The following BLTP1 variants were observed in gnomAD, a reference collection of about 807,000 sequenced individuals.
BLTP1 encodes fragile site-associated protein.
the BLTP1 span, chr4:122,192,083 T>A: frequency 1.5e-6 from 1 of 663,878 alleles, no homozygotes; most frequent in Non-Finnish European, 2.4e-6. Context: ...TAAGACAATA[T>A]GAGAACAACC....
the BLTP1 span, chr4:122,271,694 G>A: frequency 6.3e-7 from 1 of 1,579,026 alleles, no homozygotes; most frequent in Non-Finnish European, 8.6e-7. Flanking sequence ...AGGAATATTG[G>A]AAAAGTCTTC....
chr4:122,185,053 T>A, the BLTP1 span: 1 of 985,214 alleles, frequency 1.0e-6, no homozygotes, highest in Non-Finnish European at 1.2e-6. Flanking sequence ...GAAGACTAAA[T>A]ACTAGTGAAG....
At chr4:122,279,205 T>C in the BLTP1 span, among the ~76,000 whole-genome samples, 1 of 152,216 alleles carries the variant, frequency 6.6e-6, no homozygotes, top group South Asian at 2.1e-4. Flanking sequence ...TTGTGTAAGC[T>C]GAATCAATTG....
the BLTP1 span, among the ~76,000 whole-genome samples, chr4:122,259,716 C>T: frequency 1.5e-4 from 23 of 151,936 alleles, no homozygotes; most frequent in East Asian, 5.8e-4. Flanking sequence ...AAAAATTAGC[C>T]GGGTGTGGTG....
At chr4:122,347,388 A>C in the BLTP1 span, 1 of 1,318,466 alleles carries the variant, frequency 7.6e-7, no homozygotes, top group Non-Finnish European at 1.0e-6. Context: ...AAATTGCTGT[A>C]CAGCTGCTAA....
the BLTP1 span, chr4:122,235,174 A>G: frequency 2.4e-6 from 2 of 843,646 alleles, no homozygotes; most frequent in Non-Finnish European, 3.4e-6. Flanking sequence ...TGTTTTGCAC[A>G]TGACTTAACT....
At chr4:122,301,687 A>G in the BLTP1 span, among the ~76,000 whole-genome samples, 1 of 152,178 alleles carries the variant, frequency 6.6e-6, no homozygotes, top group African/African-American at 2.4e-5. Context: ...TCTGTATTGT[A>G]TGTTGTACAG....
the BLTP1 span, chr4:122,190,628 C>T: frequency 2.3e-6 from 1 of 432,494 alleles, no homozygotes; most frequent in Non-Finnish European, 3.1e-6. Context: ...CATAGATAAA[C>T]CTCAAAAATT....
the BLTP1 span, among the ~76,000 whole-genome samples, chr4:122,252,213 A>G: frequency 1.3e-5 from 2 of 152,176 alleles, no homozygotes; most frequent in Non-Finnish European, 2.9e-5. Flanking sequence ...GGTGTGACCT[A>G]GCACGTTCCT....
chr4:122,257,998 C>A, the BLTP1 span, among the ~76,000 whole-genome samples: 1 of 152,016 alleles, frequency 6.6e-6, no homozygotes, highest in Non-Finnish European at 1.5e-5. Flanking sequence ...TTAAAGGGGC[C>A]TTTGTCTTTT....
chr4:122,236,389 G>C, the BLTP1 span, among the ~76,000 whole-genome samples: 1 of 152,168 alleles, frequency 6.6e-6, no homozygotes, highest in Non-Finnish European at 1.5e-5. Flanking sequence ...TAATTTAGCT[G>C]TCTTCTTATA....
At chr4:122,256,379 A>G in the BLTP1 span, among the ~76,000 whole-genome samples, 3 of 152,200 alleles carry the variant, frequency 2.0e-5, no homozygotes, top group African/African-American at 7.2e-5. Flanking sequence ...AGAGAATGGC[A>G]GGTGTTTCCC....
the BLTP1 span, chr4:122,167,787 TC>T: frequency 3.9e-5 from 38 of 985,292 alleles, no homozygotes; most frequent in Non-Finnish European, 4.6e-5. Context: ...GTTTCTCTCT[TC>T]CCCATGTGCA....
the BLTP1 span, chr4:122,249,938 A>G: frequency 1.0e-6 from 1 of 983,838 alleles, no homozygotes; most frequent in African/African-American, 1.7e-5. Context: ...TTCCCAAATA[A>G]AATATAAAGC....
chr4:122,356,060 A>G, the BLTP1 span: 3 of 1,180,962 alleles, frequency 2.5e-6, no homozygotes, highest in Non-Finnish European at 3.5e-6. Flanking sequence ...CTGTGTTCCC[A>G]TGGATTTTTT....
At chr4:122,226,495 T>C in the BLTP1 span, 1 of 1,328,032 alleles carries the variant, frequency 7.5e-7, no homozygotes, top group African/African-American at 1.5e-5. Context: ...GACAGTGCAT[T>C]TTGTCATTCA....
chr4:122,252,154 A>G, the BLTP1 span, among the ~76,000 whole-genome samples: 1 of 152,196 alleles, frequency 6.6e-6, no homozygotes, highest in Non-Finnish European at 1.5e-5. Context: ...AGCAGTACCC[A>G]GGTAGCATAT....
At chr4:122,198,584 A>G in the BLTP1 span, among the ~76,000 whole-genome samples, 976 of 152,226 alleles carry the variant, frequency 6.4e-3, 16 homozygotes, top group African/African-American at 0.022. Context: ...TGAGGAGTCA[A>G]TATCTTGAGT....
At chr4:122,199,321 G>T in the BLTP1 span, 1 of 1,601,832 alleles carries the variant, frequency 6.2e-7, no homozygotes. Context: ...TTTTGTAATT[G>T]TTTTCCTGGT....
Sources: gnomAD v4.1 joint callset for allele counts (sites outside exome capture counted in the v4.1 genomes callset) on GRCh38, gnomAD v4.1.1 for gene constraint, MANE v1.5 for transcripts, NCBI Gene and HGNC (gene_info 2026-07-23, HGNC 2026-07-21) for gene names.